The following ZNF562 variants were observed in gnomAD, a reference collection of about 807,000 sequenced individuals.
ZNF562 encodes zinc finger protein 562.
A neutral mutation model predicts 17.5 loss-of-function variants in ZNF562; 13 were observed. The ratio of observed to expected loss-of-function variants is 0.74; its 90% CI spans 0.48 to 1.18. The LOEUF (loss-of-function observed/expected upper bound fraction) is 1.18. Among genes scored for constraint, ZNF562 ranks in the 50% most tolerant of loss-of-function variants. ZNF562 has a pLI of 0.00. For synonymous variants in ZNF562, 163 were observed against 165.4 expected (o/e 0.99, Z 0.11); for missense variants, 481 against 498.5 (o/e 0.96, Z 0.33).
chr19:9,671,577 C>T (rs2044198357), intron 1 of ZNF562, among the ~76,000 whole-genome samples: 2 of 152,348 alleles, frequency 1.3e-5, no homozygotes, highest in South Asian at 2.1e-4. Context: ...TACTTTAACG[C>T]CCCACACAGT....
chr19:9,659,410 A>G lies in ZNF562; in HGVS notation c.83T>C (p.Met28Thr), dbSNP rs1237188976. 3.9e-6 allele frequency: 6 copies of G among 1,551,426 alleles called. No homozygotes were observed. The highest frequency in any genetic ancestry group is 2.4e-5 in the South Asian group (2 of 84,042). Residue 28 changes from methionine (M) to threonine (T), a missense_variant, in exon 3 of 6, where the codon ATG (methionine) becomes ACG (threonine). By Grantham distance (81) the Met-to-Thr change is moderately conservative. This residue lies in a region of ZNF562 where 403 missense variants were observed against 386.4 expected (regional missense o/e 1.04). Coordinates refer to ENST00000453372, the MANE Select transcript of ZNF562 (RefSeq NM_001130031.2). ...AGAATTTGACCGGTGGTCCTCTACC[A>G]TCGTTCCTATCTTTGTCTTTTCTTC... ...PFEEKTKIGT[M>T]VEDHRSNSYQ...
chr19:9,670,989 C>T (rs1444816184), intron 1 of ZNF562, among the ~76,000 whole-genome samples: 1 of 145,378 alleles, frequency 6.9e-6, no homozygotes, highest in South Asian at 2.2e-4. Context: ...GACGGTGAGA[C>T]TCCATCTCCC....
intron 1 of ZNF562, among the ~76,000 whole-genome samples, chr19:9,662,634 A>C (rs549468078): frequency 6.6e-6 from 1 of 152,132 alleles, no homozygotes; most frequent in South Asian, 2.1e-4. Context: ...TAATCCCAGC[A>C]CTTTGGGAGT....
chr19:9,657,435 CA>C (rs113317390), intron 4 of ZNF562, among the ~76,000 whole-genome samples: 4 of 147,932 alleles, frequency 2.7e-5, no homozygotes, highest in Admixed American at 2.7e-4. Flanking sequence ...AACAAACAAA[CA>C]AAAAAAACAG....
intron 1 of ZNF562, among the ~76,000 whole-genome samples, chr19:9,670,864 G>T (rs996090007): frequency 6.6e-6 from 1 of 152,006 alleles, no homozygotes; most frequent in African/African-American, 2.4e-5. Context: ...CGGGTGTGGT[G>T]GTGCACCCCT....
intron 1 of ZNF562, among the ~76,000 whole-genome samples, chr19:9,671,112 C>G (rs1361956985): frequency 6.6e-6 from 1 of 151,956 alleles, no homozygotes; most frequent in Non-Finnish European, 1.5e-5. Context: ...ATCTATCATA[C>G]ATTTCAACAC....
intron 5 of ZNF562, among the ~76,000 whole-genome samples, chr19:9,655,621 T>C (rs546610028): frequency 2.0e-5 from 3 of 150,554 alleles, no homozygotes; most frequent in South Asian, 2.1e-4. Context: ...AGTTTCACCA[T>C]GTTGGTCAGG....
Position 9,653,429 on chromosome 19 carries a change from T to C in ZNF562, c.801A>G (p.Lys267=), listed in dbSNP as rs761475836. The change falls in exon 6 of 6, where the codon AAA becomes AAG. Residue 267 remains lysine, a synonymous_variant. Transcript: ENST00000453372. The stretch of plus-strand genomic sequence containing the variant: ...AAAGTTGAGAAAAATTAGTGAAGGA[T>C]TTCCCACAGTTCTTAGTCTTTTCGG... The part of the protein sequence containing the change: ...KKSEKTKNCG[K]SFTNFSQLSA... 1 of 1,614,232 alleles carries C rather than the reference T, an allele frequency of 6.2e-7. No homozygotes were observed. Among genetic ancestry groups the C allele is most frequent in the Non-Finnish European group, 8.5e-7 (1 of 1,180,046 alleles).
Position 9,659,390 on chromosome 19 carries a change from T to A in ZNF562, c.103A>T (p.Asn35Tyr). Residue 35 changes from asparagine (N) to tyrosine (Y), a missense_variant, in exon 3 of 6, where the codon AAT becomes TAT. Physicochemically the swap from Asn to Tyr is moderately radical, Grantham distance 143 (BLOSUM62 -2). Coordinates refer to ENST00000453372, the MANE Select transcript of ZNF562 (RefSeq NM_001130031.2). ...CATTTTCTGTTTACCTGGTAAGAAT[T>A]TGACCGGTGGTCCTCTACCATCGTT... is the stretch of plus-strand genomic sequence containing the variant. The part of the protein sequence containing the change: ...IGTMVEDHRS[N>Y]SYQDSVTFDD... 1 of 1,551,370 alleles carries A rather than the reference T, an allele frequency of 6.4e-7. No homozygotes were observed. Among genetic ancestry groups the A allele is most frequent in the Non-Finnish European group, 8.7e-7 (1 of 1,146,794 alleles).
intron 1 of ZNF562, among the ~76,000 whole-genome samples, chr19:9,672,571 C>T (rs1342911602): frequency 6.6e-6 from 1 of 151,948 alleles, no homozygotes; most frequent in Non-Finnish European, 1.5e-5. Context: ...CAAACATGCT[C>T]TTAATAAATT....
chr19:9,663,537 A>C (rs1043721002), intron 1 of ZNF562, among the ~76,000 whole-genome samples: 1 of 152,156 alleles, frequency 6.6e-6, no homozygotes, highest in African/African-American at 2.4e-5. Context: ...TGACATTCCA[A>C]AAATCATCAC....
chr19:9,671,039 T>C (rs1026352301), intron 1 of ZNF562, among the ~76,000 whole-genome samples: 3 of 150,286 alleles, frequency 2.0e-5, no homozygotes, highest in Non-Finnish European at 4.4e-5. Flanking sequence ...CGGTAAAATA[T>C]ACAGTTAGAA....
At position 9,651,969 on chromosome 19, in the gene ZNF562, T is replaced by C. The variant is rs1208413172; in HGVS notation, c.*980A>G. On this transcript the variant is annotated 3_prime_UTR_variant, in exon 6 of 6. Coordinates refer to ENST00000453372, the MANE Select transcript of ZNF562 (RefSeq NM_001130031.2). Reference sequence around the variant, plus strand: ...AAGGAGACCTGAATTGCAGAAGAAATTGTTAAGGAAAAAGGAACCAGAACT... The same window carrying C: ...AAGGAGACCTGAATTGCAGAAGAAACTGTTAAGGAAAAAGGAACCAGAACT... 6.6e-6 allele frequency: 1 copy of C among 152,144 alleles called. No individual in the cohort carries two copies. Among genetic ancestry groups the C allele is most frequent in the African/African-American group, 2.4e-5 (1 of 41,430 alleles). 9.4% of individuals were successfully genotyped at this position (152,144 alleles called of 1,614,324 possible).
In ZNF562 at chr19:9,642,274, T is replaced by A. The variant is rs1476578038; in HGVS notation, c.*10675A>T. ...ACAGTTCTGATGTTTAAAATTACATTCTTTTTTTTCTTTAAAAAAAAAAAA... is the reference window on the plus strand; with the variant it reads ...ACAGTTCTGATGTTTAAAATTACATACTTTTTTTTCTTTAAAAAAAAAAAA... On this transcript the variant is annotated 3_prime_UTR_variant, in exon 6 of 6. Transcript: ENST00000453372. The A allele has an allele frequency of 6.7e-6, 1 of 148,332 alleles. No homozygotes were observed. Among genetic ancestry groups the A allele is most frequent in the African/African-American group, 2.6e-5 (1 of 39,118 alleles). 9.2% of individuals were successfully genotyped at this position (148,332 alleles called of 1,614,324 possible). A position where few individuals can be genotyped will look rare whatever the true frequency, so the allele number is the denominator to read the frequency against.
chr19:9,668,087 A>G (rs756740205), intron 1 of ZNF562, among the ~76,000 whole-genome samples: 9 of 152,210 alleles, frequency 5.9e-5, no homozygotes, highest in Non-Finnish European at 1.0e-4. Context: ...AGACTATAAA[A>G]TGCCAGCACC....
chr19:9,658,157 G>T (rs755563171), intron 3 of ZNF562, 22 bp from the exon 4 acceptor site: 1 of 1,605,978 alleles, frequency 6.2e-7, no homozygotes. Context: ...AACACATGCT[G>T]GTTTGAGCCA....
intron 5 of ZNF562, 77 bp downstream of exon 5, chr19:9,656,470 C>T (rs1267117560): frequency 1.3e-6 from 2 of 1,516,052 alleles, no homozygotes; most frequent in African/African-American, 2.8e-5. Flanking sequence ...GATGGTGCCA[C>T]TGCACTTCAG....
At chr19:9,656,165 C>A (rs2043475986) in intron 5 of ZNF562, among the ~76,000 whole-genome samples, 1 of 152,128 alleles carries the variant, frequency 6.6e-6, no homozygotes, top group South Asian at 2.1e-4. Context: ...ACTAACTGGG[C>A]TGATTTTTTA....
At chr19:9,663,321 G>T (rs1811761980) in intron 1 of ZNF562, among the ~76,000 whole-genome samples, 1 of 149,902 alleles carries the variant, frequency 6.7e-6, no homozygotes. Flanking sequence ...TGAGGCAGGA[G>T]AATGGCATGA....
Sources: allele counts gnomAD v4.1 joint callset (sites outside exome capture counted in the v4.1 genomes callset), GRCh38; gene constraint gnomAD v4.1.1; regional missense constraint gnomAD v4.1.1; transcripts MANE v1.5; gene names NCBI Gene and HGNC (gene_info 2026-07-23, HGNC 2026-07-21).